Variants in GPC6 observed in about 807,000 individuals in gnomAD.
GPC6 encodes the protein glypican 6, also known as glypican-6.
In GPC6, 14 loss-of-function variants were observed where a neutral mutation model predicts 55.2. The observed-to-expected ratio is 0.25, with a 90% CI of 0.17 to 0.40. GPC6 has a LOEUF of 0.40. GPC6 is among the 10% of genes least tolerant of loss of function. The pLI, the probability that GPC6 is intolerant of heterozygous loss-of-function variation, is 1.00. For synonymous variants in GPC6, 278 were observed against 259.6 expected (o/e 1.07, Z -0.68); for missense variants, 641 against 708.5 (o/e 0.90, Z 1.08).
intron 1 of GPC6, among the ~76,000 whole-genome samples, chr13:93,380,171 A>G (rs1409481698): frequency 6.6e-6 from 1 of 152,146 alleles, no homozygotes; most frequent in Non-Finnish European, 1.5e-5. Context: ...GGAAAAATAT[A>G]TAGTAAGTTT....
chr13:93,947,732 TC>T (rs934111912), intron 3 of GPC6, among the ~76,000 whole-genome samples: 3 of 151,852 alleles, frequency 2.0e-5, no homozygotes, highest in African/African-American at 7.3e-5. Flanking sequence ...TTTTTCCTCT[TC>T]AACGCTTTTT....
intron 2 of GPC6, among the ~76,000 whole-genome samples, chr13:93,785,413 C>T (rs1310619310): frequency 1.3e-5 from 2 of 152,066 alleles, no homozygotes; most frequent in Non-Finnish European, 2.9e-5. Context: ...TTTGAAAAGA[C>T]CTATAGCCAT....
chr13:93,285,529 T>G (rs1224268712), intron 1 of GPC6, among the ~76,000 whole-genome samples: 2 of 152,110 alleles, frequency 1.3e-5, no homozygotes, highest in East Asian at 1.9e-4. Context: ...TATTTTACCT[T>G]GTTTTCAAAA....
chr13:94,077,272 T>G (rs539429230), intron 4 of GPC6, among the ~76,000 whole-genome samples: 1 of 152,004 alleles, frequency 6.6e-6, no homozygotes, highest in South Asian at 2.1e-4. Context: ...TAATGTTTCT[T>G]CAGATAGCTC....
At chr13:94,235,822 A>G (rs1890861715) in intron 4 of GPC6, among the ~76,000 whole-genome samples, 1 of 152,172 alleles carries the variant, frequency 6.6e-6, no homozygotes, top group African/African-American at 2.4e-5. Context: ...GAACCAGTCA[A>G]TTAGTTGCAG....
intron 1 of GPC6, among the ~76,000 whole-genome samples, chr13:93,369,870 T>C (rs1467889899): frequency 6.6e-6 from 1 of 152,156 alleles, no homozygotes; most frequent in Non-Finnish European, 1.5e-5. Context: ...ATCAAGACAG[T>C]GTATTTCAAA....
At chr13:94,333,940 G>A (rs1877551136) in intron 6 of GPC6, among the ~76,000 whole-genome samples, 1 of 152,090 alleles carries the variant, frequency 6.6e-6, no homozygotes, top group South Asian at 2.1e-4. Context: ...AGAGAGCAGA[G>A]AAGGAGAGAG....
chr13:94,076,419 C>T (rs1884916676), intron 4 of GPC6, among the ~76,000 whole-genome samples: 2 of 151,876 alleles, frequency 1.3e-5, no homozygotes, highest in African/African-American at 2.4e-5. Context: ...ACTGTTTTCT[C>T]CCATTATGTA....
At chr13:93,976,379 A>G (rs771490478) in intron 3 of GPC6, among the ~76,000 whole-genome samples, 2 of 151,932 alleles carry the variant, frequency 1.3e-5, no homozygotes, top group African/African-American at 2.4e-5. Flanking sequence ...TTTTAATTCA[A>G]TTGAGGAGGT....
At chr13:94,217,469 C>T (rs1364422508) in intron 4 of GPC6, among the ~76,000 whole-genome samples, 1 of 152,118 alleles carries the variant, frequency 6.6e-6, no homozygotes, top group African/African-American at 2.4e-5. Context: ...AATTGCAGCC[C>T]ATGGTGAATC....
intron 3 of GPC6, among the ~76,000 whole-genome samples, chr13:93,954,919 T>A (rs1455253410): frequency 6.6e-6 from 1 of 152,130 alleles, no homozygotes; most frequent in Non-Finnish European, 1.5e-5. Flanking sequence ...CAAAGAGACT[T>A]GTCACACTTA....
rs1256516198 is a variant in GPC6 at position 93,829,552 on chromosome 13, C to G, written c.320-602C>G. On this transcript the variant is annotated intron_variant, in intron 2 of 8. Coordinates refer to ENST00000377047, the MANE Select transcript of GPC6 (RefSeq NM_005708.5). ...TCCAAGATACTTTAAGGCTTTCTGA[C>G]TCATTATGGCCACCTAAATTATGCT... 2.0e-5 allele frequency among the ~76,000 whole-genome samples: 3 copies of G among 152,158 alleles called. No individual in the cohort carries two copies. The East Asian group carries it at 5.8e-4, about 29-fold the overall frequency.
chr13:94,238,229 G>A (rs1426801191), intron 4 of GPC6, among the ~76,000 whole-genome samples: 1 of 152,102 alleles, frequency 6.6e-6, no homozygotes, highest in Non-Finnish European at 1.5e-5. Flanking sequence ...TCTGGAGTTC[G>A]AGGAGAGATC....
intron 2 of GPC6, among the ~76,000 whole-genome samples, chr13:93,704,172 T>C (rs970280471): frequency 1.3e-5 from 2 of 151,972 alleles, no homozygotes; most frequent in Non-Finnish European, 2.9e-5. Context: ...CAGTTCATTT[T>C]CTTTTCCCCT....
chr13:93,272,842 C>T (rs954401988), intron 1 of GPC6, among the ~76,000 whole-genome samples: 5 of 152,072 alleles, frequency 3.3e-5, no homozygotes, highest in Non-Finnish European at 5.9e-5. Flanking sequence ...ATGTTAGATA[C>T]CAGCAGTTCA....
intron 2 of GPC6, among the ~76,000 whole-genome samples, chr13:93,547,212 G>A (rs1874849161): frequency 6.6e-6 from 1 of 151,610 alleles, no homozygotes. Flanking sequence ...TGGGCGTGGT[G>A]CCAGGCGCCT....
chr13:93,285,634 G>GTGTGTGTGTGTA (rs60067109), intron 1 of GPC6, among the ~76,000 whole-genome samples: 27,402 of 146,796 alleles, frequency 0.19, 2,628 homozygotes, highest in Admixed American at 0.2. Flanking sequence ...GTGTGTGTGT[G>GTGTGTGTGTGTA]TGTGTGTGTG....
At chr13:94,330,868 G>A (rs1162944699) in intron 6 of GPC6, among the ~76,000 whole-genome samples, 1 of 151,574 alleles carries the variant, frequency 6.6e-6, no homozygotes, top group South Asian at 2.1e-4. Context: ...TGGGTTTGTT[G>A]GGTTGATTGC....
intron 2 of GPC6, among the ~76,000 whole-genome samples, chr13:93,682,321 A>T (rs952811596): frequency 6.6e-6 from 1 of 152,140 alleles, no homozygotes; most frequent in Non-Finnish European, 1.5e-5. Flanking sequence ...ACCCCAGCTG[A>T]TCCTACCAGT....
Sources: gnomAD v4.1 joint callset for allele counts (sites outside exome capture counted in the v4.1 genomes callset) on GRCh38, gnomAD v4.1.1 for gene constraint, MANE v1.5 for transcripts, NCBI Gene and HGNC (gene_info 2026-07-23, HGNC 2026-07-21) for gene names.